The following SLC22A23 variants were observed in gnomAD, a reference collection of about 807,000 sequenced individuals.
SLC22A23 encodes ion transporter protein.
SLC22A23 carries 26 observed loss-of-function variants against 61.0 expected under a neutral mutation model. The ratio of observed to expected loss-of-function variants is 0.43; its 90% confidence interval spans 0.31 to 0.59. The LOEUF (loss-of-function observed/expected upper bound fraction) is 0.59, where lower values mean the gene tolerates loss of function less well. Among genes scored for constraint, SLC22A23 ranks in the 20% least tolerant of loss-of-function variants. SLC22A23 has a pLI of 0.11. For missense variants in SLC22A23, 796 were observed against 934.7 expected (o/e 0.85, Z 1.94); for synonymous variants, 430 against 413.9 (o/e 1.04, Z -0.47).
At chr6:3,306,266 C>A (rs573033381) in intron 4 of SLC22A23, among the ~76,000 whole-genome samples, 12 of 152,172 alleles carry the variant, frequency 7.9e-5, no homozygotes, top group Non-Finnish European at 1.3e-4. Flanking sequence ...GTGACCCAAA[C>A]ACCTCCCACC....
rs552404584 is a variant in SLC22A23, at chr6:3,270,447, G to A, written c.*2608C>T. On this transcript the variant is annotated 3_prime_UTR_variant, in exon 10 of 10. Coordinates refer to ENST00000406686, the MANE Select transcript of SLC22A23 (RefSeq NM_015482.2). ...TGCTGCTCTGGCAACATTTCATAAA[G>A]GTGTTGCTCAACAGCTTCAGGTATC... The A allele has an allele frequency of 2.6e-5, 4 of 152,508 alleles. No homozygotes were observed. The East Asian group carries it at 7.5e-4, about 29-fold the overall frequency. The allele number at this position is 152,508 out of a possible 1,614,324, so 9.4% of individuals were successfully genotyped here.
At chr6:3,444,704 G>T in intron 1 of SLC22A23, 1 of 754,618 alleles carries the variant, frequency 1.3e-6, no homozygotes, top group Non-Finnish European at 1.6e-6. Flanking sequence ...CCTGTGGCCC[G>T]GTGACCTGTT....
chr6:3,400,108 C>T (rs1420199021), intron 3 of SLC22A23, among the ~76,000 whole-genome samples: 1 of 152,168 alleles, frequency 6.6e-6, no homozygotes, highest in East Asian at 1.9e-4. Flanking sequence ...GAACTCCTGA[C>T]CTCAAGTGAT....
At chr6:3,337,381 C>G (rs577642954) in intron 3 of SLC22A23, among the ~76,000 whole-genome samples, 2 of 151,336 alleles carry the variant, frequency 1.3e-5, no homozygotes, top group East Asian at 3.9e-4. Context: ...TTGTAGGTGC[C>G]AGGTACTGGG....
rs1167584939 is a variant in SLC22A23 at position 3,402,597 on chromosome 6, C to T, written c.913+7591G>A. Reference sequence around the variant, plus strand: ...CAGAGTGCACTAGGCTCCAGCCAACCCCAATCACCTATACTACCCAGAGTA... The same window carrying T: ...CAGAGTGCACTAGGCTCCAGCCAACTCCAATCACCTATACTACCCAGAGTA... On this transcript the variant is annotated intron_variant, in intron 3 of 9. Coordinates refer to ENST00000406686, the MANE Select transcript of SLC22A23 (RefSeq NM_015482.2). 3.3e-5 allele frequency among the ~76,000 whole-genome samples: 5 copies of T among 151,746 alleles called. No individual in the cohort carries two copies. The South Asian group carries it at 8.3e-4, about 25-fold the overall frequency.
chr6:3,401,416 C>T (rs889776191), intron 3 of SLC22A23, among the ~76,000 whole-genome samples: 3 of 148,738 alleles, frequency 2.0e-5, no homozygotes, highest in African/African-American at 7.9e-5. Flanking sequence ...GTATATTTTG[C>T]CACAGTAAAA....
In SLC22A23 at chr6:3,309,929, C is replaced by T. The variant is rs188824258; in HGVS notation, c.1083-11711G>A. Among the ~76,000 whole-genome samples, 318 of 152,330 alleles carry T rather than the reference C, an allele frequency of 2.1e-3. No homozygotes were observed. The highest frequency in any genetic ancestry group is 0.01 in the Middle Eastern group (3 of 294). On this transcript the variant is annotated intron_variant, in intron 4 of 9. Transcript: ENST00000406686. This position sits in a 1 kb window ranked among gnomAD's most constrained non-coding sequence, Gnocchi z 4.7. ...GCAGAGGCAGGCCTGGAACCTGGGA[C>T]TTAAGGCCCCTAAACCTGTGGAGTT...
chr6:3,378,360 G>A (rs897042677), intron 3 of SLC22A23, among the ~76,000 whole-genome samples: 3 of 151,988 alleles, frequency 2.0e-5, no homozygotes, highest in Non-Finnish European at 2.9e-5. Flanking sequence ...TGCAGACCTC[G>A]GCCCGTGATT....
Position 3,390,599 on chromosome 6 carries a change from T to C in SLC22A23, c.913+19589A>G, listed in dbSNP as rs941007948. On this transcript the variant is annotated intron_variant, in intron 3 of 9. Coordinates refer to ENST00000406686, the MANE Select transcript of SLC22A23 (RefSeq NM_015482.2). This position sits in a 1 kb window ranked among gnomAD's most constrained non-coding sequence, Gnocchi z 4.0. Reference sequence around the variant, plus strand: ...TTCACTTGCAGGTTTAAATGTTACCTAAGAATAACCTAATGCAGAGATGTA... The same window carrying C: ...TTCACTTGCAGGTTTAAATGTTACCCAAGAATAACCTAATGCAGAGATGTA... 5.9e-5 allele frequency among the ~76,000 whole-genome samples: 9 copies of C among 152,200 alleles called. No individual in the cohort carries two copies. Among genetic ancestry groups the C allele is most frequent in the African/African-American group, 2.2e-4 (9 of 41,448 alleles).
At position 3,286,506 on chromosome 6, in the gene SLC22A23, G is replaced by T. The variant is rs1760020877; in HGVS notation, c.1546+353C>A. On this transcript the variant is annotated intron_variant, in intron 7 of 9. Transcript: ENST00000406686. The surrounding 1 kb of genome is among the most constrained non-coding windows in gnomAD (Gnocchi z 4.2). ...GCCCTAATGCAAGGGTGACAAAACAGATTTATTTCCCCCTTAATGTCACTC... is the reference window on the plus strand; with the variant it reads ...GCCCTAATGCAAGGGTGACAAAACATATTTATTTCCCCCTTAATGTCACTC... 6.6e-6 allele frequency among the ~76,000 whole-genome samples: 1 copy of T among 152,220 alleles called. No homozygotes were observed. The highest frequency in any genetic ancestry group is 6.5e-5 in the Admixed American group (1 of 15,280).
At chr6:3,368,525 AG>A (rs1765989031) in intron 3 of SLC22A23, among the ~76,000 whole-genome samples, 1 of 152,246 alleles carries the variant, frequency 6.6e-6, no homozygotes, top group Admixed American at 6.5e-5. Flanking sequence ...CTGCCTTAGA[AG>A]GGGCTTTCGC....
At chr6:3,275,620 T>C (rs1758821206) in intron 9 of SLC22A23, among the ~76,000 whole-genome samples, 1 of 152,246 alleles carries the variant, frequency 6.6e-6, no homozygotes, top group Admixed American at 6.5e-5. Flanking sequence ...AGTCTCACTG[T>C]CGCACAGGCT....
In SLC22A23 at chr6:3,410,543, G is replaced by A. The variant is rs1282357489; in HGVS notation, c.759-201C>T. On this transcript the variant is annotated intron_variant, in intron 2 of 9. Transcript: ENST00000406686. The surrounding 1 kb of genome is among the most constrained non-coding windows in gnomAD (Gnocchi z 5.0). ...GATTTAGCCCAACCCCCTAATTCTC[G>A]AGATAAGGGAGCAGAGATCAACCAA... Among the ~76,000 whole-genome samples, 1 of 152,068 alleles carries A rather than the reference G, an allele frequency of 6.6e-6. No homozygotes were observed. Among genetic ancestry groups the A allele is most frequent in the Non-Finnish European group, 1.5e-5 (1 of 68,020 alleles).
intron 3 of SLC22A23, among the ~76,000 whole-genome samples, chr6:3,406,500 C>A (rs1382364431): frequency 6.6e-6 from 1 of 151,562 alleles, no homozygotes; most frequent in Non-Finnish European, 1.5e-5. Flanking sequence ...GTGCCCCTCG[C>A]CTTGCTAAGT....
At chr6:3,285,788 A>G (rs1759936909) in intron 7 of SLC22A23, among the ~76,000 whole-genome samples, 1 of 152,230 alleles carries the variant, frequency 6.6e-6, no homozygotes, top group Non-Finnish European at 1.5e-5. Flanking sequence ...TCTAGGCTGC[A>G]CGACAAGGCC....
chr6:3,382,001 C>T (rs57299931), intron 3 of SLC22A23, among the ~76,000 whole-genome samples: 1,737 of 152,284 alleles, frequency 0.011, 31 homozygotes, highest in African/African-American at 0.035. Flanking sequence ...CCTGATGTCA[C>T]GATGACAAGG....
rs113804242 is a variant in SLC22A23 at position 3,336,128 on chromosome 6, G to A, written c.914-12126C>T. Among the ~76,000 whole-genome samples, 666 of 152,114 alleles carry A rather than the reference G, an allele frequency of 4.4e-3. 2 individuals are homozygous for A. Among genetic ancestry groups the A allele is most frequent in the African/African-American group, 0.015 (621 of 41,494 alleles). ...AGAGAAATCTGGACTCTTCTCCTAGGAGTGCCTGCTGGAAGTTGTAGAAAA... is the reference window on the plus strand; with the variant it reads ...AGAGAAATCTGGACTCTTCTCCTAGAAGTGCCTGCTGGAAGTTGTAGAAAA... On this transcript the variant is annotated intron_variant, in intron 3 of 9. Coordinates refer to ENST00000406686, the MANE Select transcript of SLC22A23 (RefSeq NM_015482.2).
At chr6:3,384,048 A>G (rs1767125884) in intron 3 of SLC22A23, among the ~76,000 whole-genome samples, 1 of 152,214 alleles carries the variant, frequency 6.6e-6, no homozygotes, top group Admixed American at 6.5e-5. Flanking sequence ...GTACACCCCT[A>G]TTACTTGAGA....
chr6:3,281,977 G>A (rs1461779825), intron 9 of SLC22A23, among the ~76,000 whole-genome samples: 6 of 152,168 alleles, frequency 3.9e-5, no homozygotes, highest in Admixed American at 1.3e-4. Flanking sequence ...TTGCGTCAAA[G>A]AGGAAAAGCT....
Sources: gnomAD v4.1 joint callset for allele counts (sites outside exome capture counted in the v4.1 genomes callset) on GRCh38, gnomAD v4.1.1 for gene constraint, Gnocchi (gnomAD v3.1) non-coding constraint, MANE v1.5 for transcripts, NCBI Gene and HGNC (gene_info 2026-07-23, HGNC 2026-07-21) for gene names.